ESRP2: variants seen among roughly 807,000 people sequenced by gnomAD.
The protein encoded by ESRP2 is epithelial splicing regulatory protein 2.
In ESRP2, 48 loss-of-function variants were observed where a neutral mutation model predicts 78.6. That is an observed-to-expected ratio of 0.61 (90% CI 0.48 to 0.78). ESRP2 has a LOEUF of 0.78. Among genes scored for constraint, ESRP2 ranks in the 30% least tolerant of loss-of-function variants. ESRP2 has a pLI of 0.00. For synonymous variants in ESRP2, 383 were observed against 406.7 expected (o/e 0.94, Z 0.70); for missense variants, 863 against 965.9 (o/e 0.89, Z 1.41).
Position 68,236,056 on chromosome 16 carries a change from G to T in ESRP2, c.-11C>A. Reference sequence around the variant, plus strand: ...CGGCGGCGGAGTCATGGCCGCAGAGGAAGGGGGCTCTCGGCCAGACACGCG... The same window carrying T: ...CGGCGGCGGAGTCATGGCCGCAGAGTAAGGGGGCTCTCGGCCAGACACGCG... On this transcript the variant is annotated 5_prime_UTR_variant, in exon 1 of 15. Coordinates refer to ENST00000473183, the MANE Select transcript of ESRP2 (RefSeq NM_024939.3). This position sits in a 1 kb window ranked among gnomAD's most constrained non-coding sequence, Gnocchi z 5.2. 2 of 1,421,060 alleles carry T rather than the reference G, an allele frequency of 1.4e-6. No homozygotes were observed. Among genetic ancestry groups the T allele is most frequent in the Non-Finnish European group, 1.8e-6 (2 of 1,100,272 alleles). The allele number at this position is 1,421,060 out of a possible 1,614,324, so 88.0% of individuals were successfully genotyped here.
At position 68,230,563 on chromosome 16, in the gene ESRP2, G is replaced by A; in HGVS notation, c.1899-9C>T. The stretch of plus-strand genomic sequence containing the variant: ...TGGGGGAGACTGGGGGGCTAGGGTG[G>A]GAGAGACAAGGTTTAGTCATGCATG... On this transcript the variant is annotated splice_polypyrimidine_tract_variant and intron_variant, in intron 13 of 14. Coordinates refer to ENST00000473183, the MANE Select transcript of ESRP2 (RefSeq NM_024939.3). 4 of 1,550,888 alleles carry A rather than the reference G, an allele frequency of 2.6e-6. No homozygotes were observed. The highest frequency in any genetic ancestry group is 3.5e-6 in the Non-Finnish European group (4 of 1,148,200).
chr16:68,234,305 C>G, intron 2 of ESRP2, 198 bp from the exon 3 acceptor site: 1 of 579,920 alleles, frequency 1.7e-6, no homozygotes, highest in Non-Finnish European at 3.1e-6. Flanking sequence ...TGTTCCAGTC[C>G]ACTGTCACCT....
intron 2 of ESRP2, 118 bp from the exon 3 acceptor site, chr16:68,234,225 T>A (rs1297702003): frequency 2.6e-6 from 2 of 760,692 alleles, no homozygotes; most frequent in African/African-American, 1.7e-5. Flanking sequence ...TTCAGCCCTA[T>A]CCTGCCTGGG....
At position 68,229,392 on chromosome 16, in the gene ESRP2, G is replaced by A. The variant is rs996306254; in HGVS notation, c.*834C>T. Reference sequence around the variant, plus strand: ...CTTTTCATTTAAGGAAGAGAAGATCGAGTTCCAAATTGCTTCCGAGGCTTC... The same window carrying A: ...CTTTTCATTTAAGGAAGAGAAGATCAAGTTCCAAATTGCTTCCGAGGCTTC... On this transcript the variant is annotated 3_prime_UTR_variant, in exon 15 of 15. Coordinates refer to ENST00000473183, the MANE Select transcript of ESRP2 (RefSeq NM_024939.3). The A allele has an allele frequency of 2.0e-5, 3 of 152,594 alleles. No individual in the cohort carries two copies. Among genetic ancestry groups the A allele is most frequent in the African/African-American group, 7.2e-5 (3 of 41,426 alleles). 9.5% of individuals were successfully genotyped at this position (152,594 alleles called of 1,614,324 possible).
chr16:68,233,683 A>C, intron 4 of ESRP2, 85 bp downstream of exon 4: 1 of 1,005,884 alleles, frequency 9.9e-7, no homozygotes, highest in Non-Finnish European at 1.6e-6. Context: ...GTATGTGTCC[A>C]TATTACCCAC....
chr16:68,233,482 C>T (rs1404772974), intron 4 of ESRP2, 57 bp from the exon 5 acceptor site: 2 of 1,338,214 alleles, frequency 1.5e-6, no homozygotes, highest in South Asian at 2.3e-5. Context: ...ATCCTGTTTA[C>T]TCCTGGGCCC....
At position 68,235,778 on chromosome 16, in the gene ESRP2, GA is replaced by G. The variant is rs766998363; in HGVS notation, c.199-17del. 1.1e-5 allele frequency: 18 copies of G among 1,609,076 alleles called. No homozygotes were observed. The highest frequency in any genetic ancestry group is 6.7e-5 in the African/African-American group (5 of 74,718). Reference sequence around the variant, plus strand: ...GCGTCCCCACCTGTGAGCGGCGGGGGAAACCGATCAGCCGCGCCCCTCGACC... The same window carrying G: ...GCGTCCCCACCTGTGAGCGGCGGGGGAACCGATCAGCCGCGCCCCTCGACC... On this transcript the variant is annotated splice_polypyrimidine_tract_variant and intron_variant, in intron 1 of 14. Coordinates refer to ENST00000473183, the MANE Select transcript of ESRP2 (RefSeq NM_024939.3). This position sits in a 1 kb window ranked among gnomAD's most constrained non-coding sequence, Gnocchi z 5.5.
At chr16:68,233,196 CAAA>C (rs377116348) in intron 5 of ESRP2, 128 bp downstream of exon 5, 2,915 of 510,518 alleles carry the variant, frequency 5.7e-3, no homozygotes, top group Middle Eastern at 0.012. Context: ...GAGACTGTCT[CAAA>C]AAAAAAAAAA....
rs779622057 is a variant in ESRP2, at chr16:68,232,596, T to G, written c.802A>C (p.Lys268Gln). ...SSDQDVARFF[K>Q]GLNVARGGVA... ...ACCCACCTGGCCACGTTGAGCCCTT[T>G]GAAGAAGCGAGCCACGTCCTGGTCT... The change falls in exon 7 of 15, where the codon AAA becomes CAA. Residue 268 changes from lysine (K) to glutamine (Q), a missense_variant. By Grantham distance (53) the Lys-to-Gln change is moderately conservative. Transcript: ENST00000473183. The surrounding 1 kb of genome is among the most constrained non-coding windows in gnomAD (Gnocchi z 5.2). 4.3e-6 allele frequency: 7 copies of G among 1,614,086 alleles called. No homozygotes were observed. The East Asian group carries it at 1.6e-4, about 36-fold the overall frequency.
chr16:68,231,619 C>T lies in ESRP2; in HGVS notation c.1375G>A (p.Ala459Thr). 4 of 1,613,848 alleles carry T rather than the reference C, an allele frequency of 2.5e-6. No homozygotes were observed. Among genetic ancestry groups the T allele is most frequent in the East Asian group, 2.2e-5 (1 of 44,854 alleles). ...ACACAGTCCCTCCCAGTCCCAGGTG[C>T]CAGTGGGAAGGGGATGGGCAGCAGT... ...APLLPIPFPL[A>T]PGTGRDCVRL... Residue 459 changes from alanine (A) to threonine (T), a missense_variant, in exon 11 of 15, where the codon GCA (alanine) becomes ACA (threonine). Ala to Thr is a moderately conservative substitution (Grantham distance 58, BLOSUM62 0). Transcript: ENST00000473183. This position sits in a 1 kb window ranked among gnomAD's most constrained non-coding sequence, Gnocchi z 6.0.
At position 68,229,825 on chromosome 16, in the gene ESRP2, C is replaced by T. The variant is rs1045537210; in HGVS notation, c.*401G>A. On this transcript the variant is annotated 3_prime_UTR_variant, in exon 15 of 15. Coordinates refer to ENST00000473183, the MANE Select transcript of ESRP2 (RefSeq NM_024939.3). ...CAGAGGCTCAGATGGACCCTTGATT[C>T]TCCCAGGAGTCATACATTGAAGGTA... 6 of 201,178 alleles carry T rather than the reference C, an allele frequency of 3.0e-5. No individual in the cohort carries two copies. In the East Asian group the frequency reaches 6.7e-4, roughly 22 times the overall value. 12.5% of individuals were successfully genotyped at this position (201,178 alleles called of 1,614,324 possible).
At chr16:68,230,637 C>G (rs908653615) in intron 13 of ESRP2, 83 bp from the exon 14 acceptor site, 49 of 1,482,900 alleles carry the variant, frequency 3.3e-5, no homozygotes, top group Non-Finnish European at 4.2e-5. Flanking sequence ...CTTGTTTCTG[C>G]CTTGTGCTTA....
In ESRP2 at chr16:68,230,234, A is replaced by G. The variant is rs1415318234; in HGVS notation, c.2146T>C (p.Cys716Arg). The G allele has an allele frequency of 6.2e-7, 1 of 1,614,098 alleles. No homozygotes were observed. Among genetic ancestry groups the G allele is most frequent in the Non-Finnish European group, 8.5e-7 (1 of 1,179,994 alleles). Residue 716 changes from cysteine to arginine, a missense_variant, in exon 15 of 15, where the codon TGT (cysteine) becomes CGT (arginine). Coordinates refer to ENST00000473183, the MANE Select transcript of ESRP2 (RefSeq NM_024939.3). Reference sequence around the variant, plus strand: ...CCTCCTGGCTTTCTCTCCTACAAACACACCCATTCCTTGGGGGCTTGTAAC... The same window carrying G: ...CCTCCTGGCTTTCTCTCCTACAAACGCACCCATTCCTTGGGGGCTTGTAAC... ...TVLQAPKEWVCL is the reference protein window; with the variant it reads ...TVLQAPKEWVRL
intron 5 of ESRP2, 61 bp downstream of exon 5, chr16:68,233,266 G>T: frequency 8.7e-7 from 1 of 1,147,624 alleles, no homozygotes; most frequent in South Asian, 1.2e-5. Context: ...TCACAGTGGG[G>T]AGGAGCAATA....
Position 68,231,440 on chromosome 16 carries a change from C to T in ESRP2, c.1512+42G>A, listed in dbSNP as rs376440468. The T allele has an allele frequency of 3.7e-6, 6 of 1,613,458 alleles. No individual in the cohort carries two copies. In the East Asian group the frequency reaches 1.3e-4, roughly 36 times the overall value. ...GAGTGCCTTACCCCTAACACACACC[C>T]CTTCCTATTTATGTGTTCCCCCTAC... On this transcript the variant is annotated intron_variant, in intron 11 of 14. Coordinates refer to ENST00000473183, the MANE Select transcript of ESRP2 (RefSeq NM_024939.3). The surrounding 1 kb of genome is among the most constrained non-coding windows in gnomAD (Gnocchi z 6.0).
At chr16:68,230,691 C>T (rs936530804) in intron 13 of ESRP2, 137 bp from the exon 14 acceptor site, 27 of 1,415,766 alleles carry the variant, frequency 1.9e-5, no homozygotes, top group Non-Finnish European at 2.3e-5. Context: ...GAGTCATTTT[C>T]GATCTGTTTT....
In ESRP2 at chr16:68,229,953, C is replaced by T. The variant is rs1210191038; in HGVS notation, c.*273G>A. 3.5e-5 allele frequency: 18 copies of T among 520,706 alleles called. No homozygotes were observed. The East Asian group carries it at 5.4e-4, about 16-fold the overall frequency. 32.3% of individuals were successfully genotyped at this position (520,706 alleles called of 1,614,324 possible). ...CAGCCAGGACAGACTTAAGGGCTCT[C>T]CAGGTGCCAGTCAAGATGCCTGGCT... On this transcript the variant is annotated 3_prime_UTR_variant, in exon 15 of 15. Coordinates refer to ENST00000473183, the MANE Select transcript of ESRP2 (RefSeq NM_024939.3).
In ESRP2 at chr16:68,235,581, GC is replaced by G. The variant is rs1555526901; in HGVS notation, c.327+52del. ...GGCCTAGCCTCCGGCCGCCAATCCC[GC>G]CCAGAAATGTCCTCACGTCCAGGCC... On this transcript the variant is annotated intron_variant, in intron 2 of 14. Coordinates refer to ENST00000473183, the MANE Select transcript of ESRP2 (RefSeq NM_024939.3). This position sits in a 1 kb window ranked among gnomAD's most constrained non-coding sequence, Gnocchi z 5.5. 1 of 1,590,556 alleles carries G rather than the reference GC, an allele frequency of 6.3e-7. No individual in the cohort carries two copies.
Position 68,235,718 on chromosome 16 carries a change from T to G in ESRP2, c.243A>C (p.Ala81=). ...TCGCCTCGCGGCACTGCGTACTCAG[T>G]GCGGCCGCCTCGGCACGAACCAGCG... ...HKSLVRAEAA[A]LSTQCREASG... is the part of the protein sequence containing the mutation. The change falls in exon 2 of 15, where the codon GCA becomes GCC. Residue 81 remains alanine (A), a synonymous_variant. Coordinates refer to ENST00000473183, the MANE Select transcript of ESRP2 (RefSeq NM_024939.3). This position sits in a 1 kb window ranked among gnomAD's most constrained non-coding sequence, Gnocchi z 5.5. 6.2e-7 allele frequency: 1 copy of G among 1,605,164 alleles called. No individual in the cohort carries two copies. Among genetic ancestry groups the G allele is most frequent in the Non-Finnish European group, 8.5e-7 (1 of 1,178,908 alleles).
Sources: allele counts gnomAD v4.1 joint callset, GRCh38; gene constraint gnomAD v4.1.1; non-coding constraint Gnocchi (gnomAD v3.1); transcripts MANE v1.5; gene names NCBI Gene and HGNC (gene_info 2026-07-23, HGNC 2026-07-21).